The following PGM2L1 variants were observed in gnomAD, a reference collection of about 807,000 sequenced individuals.
The protein encoded by PGM2L1 is glucose 1,6-bisphosphate synthase.
A neutral mutation model predicts 73.4 loss-of-function variants in PGM2L1; 35 were observed. The ratio of observed to expected loss-of-function variants is 0.48; its 90% CI spans 0.36 to 0.63. PGM2L1 has a LOEUF of 0.63. Ranked by LOEUF, PGM2L1 falls within the 30% of genes least tolerant of loss-of-function variation. PGM2L1 has a pLI of 0.00. For synonymous variants in PGM2L1, 225 were observed against 253.8 expected (o/e 0.89, Z 1.08); for missense variants, 570 against 742.0 (o/e 0.77, Z 2.69).
chr11:74,343,060 A>G (rs1229641258), intron 10 of PGM2L1, 46 bp from the exon 11 acceptor site: 1 of 1,543,316 alleles, frequency 6.5e-7, no homozygotes. Flanking sequence ...ACTTAAGGCT[A>G]TAATTTCAAT....
intron 5 of PGM2L1, among the ~76,000 whole-genome samples, chr11:74,353,824 T>G (rs1387473158): frequency 5.5e-4 from 1 of 1,802 alleles, no homozygotes; most frequent in African/African-American, 2.1e-3. Flanking sequence ...ATCGCCATCA[T>G]GGCCCGTTCT....
intron 5 of PGM2L1, among the ~76,000 whole-genome samples, chr11:74,364,615 T>C (rs980219228): frequency 7.3e-4 from 111 of 152,196 alleles, no homozygotes; most frequent in Admixed American, 1.2e-3. Context: ...CCATTCACAA[T>C]TGCTTCAAAG....
chr11:74,387,339 C>T (rs946290909), intron 1 of PGM2L1, among the ~76,000 whole-genome samples: 8 of 152,130 alleles, frequency 5.3e-5, no homozygotes, highest in African/African-American at 1.9e-4. Context: ...CTTCTCTGAG[C>T]CTGGGTTTGT....
At chr11:74,379,341 C>A (rs553363251) in intron 1 of PGM2L1, among the ~76,000 whole-genome samples, 66 of 152,254 alleles carry the variant, frequency 4.3e-4, no homozygotes, top group African/African-American at 1.5e-3. Context: ...GAGGGAACCA[C>A]CTCCATGACC....
chr11:74,371,952 T>C, intron 2 of PGM2L1, 135 bp from the exon 3 acceptor site: 2 of 689,228 alleles, frequency 2.9e-6, no homozygotes, highest in Non-Finnish European at 2.6e-6. Context: ...TGCCCATGTT[T>C]ACCAGTGTGG....
rs868837863 is a variant in PGM2L1, at chr11:74,343,809, C to T, written c.1219-393G>A. Among the ~76,000 whole-genome samples, 10 of 118,448 alleles carry T rather than the reference C, an allele frequency of 8.4e-5. No individual in the cohort carries two copies. In the South Asian group the frequency reaches 1.4e-3, roughly 16 times the overall value. 77.7% of individuals were successfully genotyped at this position (118,448 alleles called of 152,430 possible). ...TTTTTTTTTTTTTGAGACGGAGTCT[C>T]GCTCTGTCACCCAGGCTGGAGTGCA... On this transcript the variant is annotated intron_variant, in intron 9 of 13. Transcript: ENST00000298198.
chr11:74,350,208 G>T (rs114304980), intron 6 of PGM2L1, among the ~76,000 whole-genome samples: 80 of 152,298 alleles, frequency 5.3e-4, no homozygotes, highest in African/African-American at 1.9e-3. Context: ...ACAGTTGACA[G>T]CTTGATGGGT....
chr11:74,373,731 T>A (rs1862810651), intron 2 of PGM2L1, among the ~76,000 whole-genome samples: 1 of 152,246 alleles, frequency 6.6e-6, no homozygotes, highest in Non-Finnish European at 1.5e-5. Flanking sequence ...GGTTAACCTT[T>A]ATAAATGGCC....
chr11:74,366,837 A>T (rs1196780969), intron 5 of PGM2L1, among the ~76,000 whole-genome samples: 1 of 152,144 alleles, frequency 6.6e-6, no homozygotes, highest in Non-Finnish European at 1.5e-5. Flanking sequence ...GGTTTTATCA[A>T]AAGAATAAGA....
intron 8 of PGM2L1, among the ~76,000 whole-genome samples, chr11:74,346,455 G>A (rs1463220329): frequency 1.3e-5 from 2 of 152,022 alleles, no homozygotes; most frequent in Non-Finnish European, 2.9e-5. Context: ...ACTGTAAGCA[G>A]TTTTTGAAGC....
At chr11:74,376,390 A>T (rs1236523913) in intron 1 of PGM2L1, among the ~76,000 whole-genome samples, 1 of 151,950 alleles carries the variant, frequency 6.6e-6, no homozygotes, top group African/African-American at 2.4e-5. Context: ...AATGCTTCTG[A>T]TAACAATTTA....
chr11:74,390,563 G>C (rs1011330118), intron 1 of PGM2L1, among the ~76,000 whole-genome samples: 4 of 152,152 alleles, frequency 2.6e-5, no homozygotes, highest in Non-Finnish European at 5.9e-5. Flanking sequence ...TTTGGGTCAA[G>C]ATGAAAGACT....
Position 74,343,010 on chromosome 11 carries a change from A to T in PGM2L1, c.1317T>A (p.Phe439Leu), listed in dbSNP as rs1435638263. Residue 439 changes from phenylalanine to leucine, a missense_variant, in exon 11 of 14, where the codon TTT becomes TTA. By Grantham distance (22) the Phe-to-Leu change is conservative. Coordinates refer to ENST00000298198, the MANE Select transcript of PGM2L1 (RefSeq NM_173582.6). ...TATCCAAAACTGAAGTTCCACAGAG[A>T]AAACCTGAGGATTGAAAACCATCAC... is the stretch of plus-strand genomic sequence containing the variant. ...VLFAFEESIG[F>L]LCGTSVLDKD... 4 of 1,598,578 alleles carry T rather than the reference A, an allele frequency of 2.5e-6. No individual in the cohort carries two copies. The highest frequency in any genetic ancestry group is 3.4e-6 in the Non-Finnish European group (4 of 1,175,728).
intron 5 of PGM2L1, chr11:74,354,398 A>C: frequency 1.7e-6 from 1 of 599,426 alleles, no homozygotes; most frequent in East Asian, 2.6e-5. Flanking sequence ...CTGCCCGTGG[A>C]TGCTGCTGAG....
chr11:74,354,726 T>G, intron 5 of PGM2L1: 1 of 1,074,620 alleles, frequency 9.3e-7, no homozygotes, highest in African/African-American at 1.5e-5. Context: ...GAGAAAATTC[T>G]CAAACACCAG....
chr11:74,336,650 C>G lies in PGM2L1; in HGVS notation c.*2G>C, dbSNP rs757845172. ...ACAGTGTCATGACATATTGGTGTAC[C>G]CCTAAACAGAACGCCAGATCAGTCC... is the stretch of plus-strand genomic sequence containing the variant. On this transcript the variant is annotated 3_prime_UTR_variant, in exon 14 of 14. Coordinates refer to ENST00000298198, the MANE Select transcript of PGM2L1 (RefSeq NM_173582.6). 6.9e-6 allele frequency: 11 copies of G among 1,592,064 alleles called. No homozygotes were observed. Among genetic ancestry groups the G allele is most frequent in the Non-Finnish European group, 9.5e-6 (11 of 1,162,774 alleles).
Position 74,352,437 on chromosome 11 carries a change from C to T in PGM2L1, c.556-861G>A, listed in dbSNP as rs555087226. Among the ~76,000 whole-genome samples, 7 of 152,178 alleles carry T rather than the reference C, an allele frequency of 4.6e-5. No homozygotes were observed. The East Asian group carries it at 1.2e-3, about 25-fold the overall frequency. ...AAATTTCAATGAGCTTTCAGTTTGT[C>T]AAGTAGCCTGATCAATAAGACATTA... On this transcript the variant is annotated intron_variant, in intron 5 of 13. Coordinates refer to ENST00000298198, the MANE Select transcript of PGM2L1 (RefSeq NM_173582.6).
intron 1 of PGM2L1, among the ~76,000 whole-genome samples, chr11:74,389,604 C>A (rs962292850): frequency 6.6e-6 from 1 of 151,394 alleles, no homozygotes. Context: ...AGTGCCATCA[C>A]GCCCAGCTAA....
At position 74,336,651 on chromosome 11, in the gene PGM2L1, C is replaced by G. The variant is rs1249213469; in HGVS notation, c.*1G>C. 1.3e-6 allele frequency: 2 copies of G among 1,595,274 alleles called. No individual in the cohort carries two copies. Among genetic ancestry groups the G allele is most frequent in the African/African-American group, 2.7e-5 (2 of 74,428 alleles). On this transcript the variant is annotated 3_prime_UTR_variant, in exon 14 of 14. Coordinates refer to ENST00000298198, the MANE Select transcript of PGM2L1 (RefSeq NM_173582.6). Reference sequence around the variant, plus strand: ...CAGTGTCATGACATATTGGTGTACCCCTAAACAGAACGCCAGATCAGTCCA... The same window carrying G: ...CAGTGTCATGACATATTGGTGTACCGCTAAACAGAACGCCAGATCAGTCCA...
Sources: gnomAD v4.1 joint callset for allele counts (sites outside exome capture counted in the v4.1 genomes callset) on GRCh38, gnomAD v4.1.1 for gene constraint, MANE v1.5 for transcripts, NCBI Gene and HGNC (gene_info 2026-07-23, HGNC 2026-07-21) for gene names.